The following BTBD9 variants were observed in gnomAD, a reference collection of about 807,000 sequenced individuals.
BTBD9 encodes the protein BTB/POZ domain-containing protein 9.
BTBD9 carries 49 observed loss-of-function variants against 64.3 expected under a neutral mutation model. The ratio of observed to expected loss-of-function variants is 0.76; its 90% CI spans 0.61 to 0.97. BTBD9 has a LOEUF of 0.97. BTBD9 is among the 50% of genes least tolerant of loss of function. The pLI, the probability that BTBD9 is intolerant of heterozygous loss-of-function variation, is 0.00. For synonymous variants in BTBD9, 260 were observed against 274.7 expected, an observed-to-expected ratio of 0.95 and a Z score of 0.53; for missense variants, 598 against 762.1, an observed-to-expected ratio of 0.78 and a Z score of 2.53.
At chr6:38,211,225 C>T (rs1391861696) in intron 9 of BTBD9, among the ~76,000 whole-genome samples, 4 of 151,988 alleles carry the variant, frequency 2.6e-5, no homozygotes, top group Non-Finnish European at 2.9e-5. Flanking sequence ...GTCAGGAGAT[C>T]GAGACCATCC....
chr6:38,411,484 A>G (rs998170821), intron 6 of BTBD9, among the ~76,000 whole-genome samples: 2 of 152,196 alleles, frequency 1.3e-5, no homozygotes, highest in Admixed American at 1.3e-4. Context: ...GGTTAACCAG[A>G]TGGCCATACG....
At chr6:38,557,803 A>T (rs908590518) in intron 6 of BTBD9, among the ~76,000 whole-genome samples, 2 of 152,256 alleles carry the variant, frequency 1.3e-5, no homozygotes, top group African/African-American at 4.8e-5. Context: ...AGTTATTTAG[A>T]TATGAGAGTA....
intron 6 of BTBD9, among the ~76,000 whole-genome samples, chr6:38,361,105 C>G (rs1275022233): frequency 6.6e-6 from 1 of 152,064 alleles, no homozygotes; most frequent in Non-Finnish European, 1.5e-5. Flanking sequence ...ATCAGAATCA[C>G]CTGGGGGACT....
chr6:38,411,765 G>A (rs1051731613), intron 6 of BTBD9, among the ~76,000 whole-genome samples: 5 of 151,830 alleles, frequency 3.3e-5, no homozygotes, highest in African/African-American at 7.3e-5. Context: ...GCAATACCCC[G>A]TCTCTATAAA....
chr6:38,571,495 G>C (rs919250388), intron 6 of BTBD9, among the ~76,000 whole-genome samples: 2 of 152,112 alleles, frequency 1.3e-5, no homozygotes, highest in African/African-American at 2.4e-5. Context: ...TTGACACCAG[G>C]AATGAGGGGG....
intron 4 of BTBD9, among the ~76,000 whole-genome samples, chr6:38,583,092 T>A (rs946855366): frequency 6.6e-6 from 1 of 152,314 alleles, no homozygotes; most frequent in Admixed American, 6.5e-5. Context: ...CATAACTACT[T>A]GGTAAAAATA....
Position 38,281,082 on chromosome 6 carries a change from T to C in BTBD9, c.1454+7190A>G, listed in dbSNP as rs144992423. Among the ~76,000 whole-genome samples, 1,369 of 152,344 alleles carry C rather than the reference T, an allele frequency of 9.0e-3. 23 individuals are homozygous for C. Among genetic ancestry groups the C allele is most frequent in the African/African-American group, 0.031 (1,291 of 41,572 alleles). Reference sequence around the variant, plus strand: ...ACTCAAATAATTACAAAACATTATTTGAGTCATTAGCCCCAATTCCTCTAC... The same window carrying C: ...ACTCAAATAATTACAAAACATTATTCGAGTCATTAGCCCCAATTCCTCTAC... On this transcript the variant is annotated intron_variant, in intron 8 of 10. Transcript: ENST00000481247.
At chr6:38,260,641 G>A (rs1319770628) in intron 8 of BTBD9, among the ~76,000 whole-genome samples, 3 of 152,196 alleles carry the variant, frequency 2.0e-5, no homozygotes, top group Non-Finnish European at 4.4e-5. Flanking sequence ...ATCATGCTCT[G>A]TAAGTAGCTT....
At chr6:38,617,089 G>A (rs1582723734) in intron 1 of BTBD9, among the ~76,000 whole-genome samples, 1 of 152,128 alleles carries the variant, frequency 6.6e-6, no homozygotes. Context: ...TGACTAGTGC[G>A]GCCACCGGAC....
At chr6:38,414,546 T>C (rs1177069965) in intron 6 of BTBD9, among the ~76,000 whole-genome samples, 1 of 152,174 alleles carries the variant, frequency 6.6e-6, no homozygotes, top group Non-Finnish European at 1.5e-5. Context: ...TTTTTTCTTT[T>C]TCCTTCACAT....
At chr6:38,180,093 C>T (rs905221956) in intron 10 of BTBD9, among the ~76,000 whole-genome samples, 2 of 152,222 alleles carry the variant, frequency 1.3e-5, no homozygotes, top group African/African-American at 4.8e-5. Flanking sequence ...AGCCAATACC[C>T]AGCTAGCTCC....
chr6:38,218,341 T>C (rs1213970458), intron 9 of BTBD9, among the ~76,000 whole-genome samples: 4 of 152,214 alleles, frequency 2.6e-5, no homozygotes, highest in African/African-American at 9.6e-5. Flanking sequence ...ATTCCTGTTC[T>C]ACCCAATCCT....
intron 6 of BTBD9, among the ~76,000 whole-genome samples, chr6:38,374,307 G>GTATATATATATATATATATGTATATACA (rs1562095564): frequency 1.7e-5 from 1 of 59,124 alleles, no homozygotes; most frequent in African/African-American, 7.9e-5. Flanking sequence ...GTATATATAT[G>GTATATATATATATATATATGTATATACA]TATATATATA....
At chr6:38,325,983 T>C (rs1763411688) in intron 7 of BTBD9, among the ~76,000 whole-genome samples, 1 of 152,076 alleles carries the variant, frequency 6.6e-6, no homozygotes, top group African/African-American at 2.4e-5. Flanking sequence ...AAATGTATAG[T>C]TACAAATGAA....
intron 1 of BTBD9, among the ~76,000 whole-genome samples, chr6:38,617,589 G>A: frequency 6.6e-6 from 1 of 152,186 alleles, no homozygotes; most frequent in East Asian, 1.9e-4. Context: ...ATTTTAGGAT[G>A]CCTCCTCAGA....
At chr6:38,498,154 T>C (rs1490061528) in intron 6 of BTBD9, among the ~76,000 whole-genome samples, 3 of 152,214 alleles carry the variant, frequency 2.0e-5, no homozygotes, top group African/African-American at 7.2e-5. Flanking sequence ...TTTACAAAAG[T>C]GGTTTACTGT....
chr6:38,255,404 G>A (rs58868371), intron 9 of BTBD9, among the ~76,000 whole-genome samples: 7,172 of 152,230 alleles, frequency 0.047, 436 homozygotes, highest in East Asian at 0.27. Flanking sequence ...CACTGTAAAA[G>A]TGTAAATTTT....
chr6:38,223,581 T>G (rs1763288941), intron 9 of BTBD9, among the ~76,000 whole-genome samples: 1 of 152,114 alleles, frequency 6.6e-6, no homozygotes, highest in South Asian at 2.1e-4. Context: ...CGAGTGATCC[T>G]CCCACCTTGG....
At chr6:38,275,569 A>C (rs1397959078) in intron 8 of BTBD9, among the ~76,000 whole-genome samples, 1 of 150,200 alleles carries the variant, frequency 6.7e-6, no homozygotes, top group African/African-American at 2.4e-5. Context: ...GCAACCTACA[A>C]AATGGGAGAA....
Sources: gnomAD v4.1 joint callset for allele counts (sites outside exome capture counted in the v4.1 genomes callset) on GRCh38, gnomAD v4.1.1 for gene constraint, MANE v1.5 for transcripts, NCBI Gene and HGNC (gene_info 2026-07-23, HGNC 2026-07-21) for gene names.